LYN: variants seen among roughly 807,000 people sequenced by gnomAD.
The protein encoded by LYN is LYN proto-oncogene, Src family tyrosine kinase.
A neutral mutation model predicts 65.0 loss-of-function variants in LYN; 12 were observed. The observed-to-expected ratio is 0.18, with a 90% CI of 0.12 to 0.30. The LOEUF (loss-of-function observed/expected upper bound fraction) is 0.30. Ranked by LOEUF, LYN falls within the 10% of genes least tolerant of loss-of-function variation. LYN has a pLI of 1.00. For missense variants in LYN, 380 were observed against 623.2 expected, an observed-to-expected ratio of 0.61 and a Z score of 4.16; for synonymous variants, 222 against 221.2, an observed-to-expected ratio of 1.00 and a Z score of -0.03.
At chr8:56,009,833 C>T in intron 12 of LYN, 75 bp from the exon 13 acceptor site, 1 of 1,177,538 alleles carries the variant, frequency 8.5e-7, no homozygotes, top group South Asian at 1.3e-5. Flanking sequence ...GCAAAAAGAC[C>T]ACTGCAGTGC....
At position 55,908,534 on chromosome 8, in the gene LYN, C is replaced by T. The variant is rs138517169; in HGVS notation, c.-6+28431C>T. On this transcript the variant is annotated intron_variant, in intron 1 of 12. Coordinates refer to ENST00000519728, the MANE Select transcript of LYN (RefSeq NM_002350.4). ...TGTTGGGATTCCAGGCCTGAGCCAC[C>T]GTGCCAAGGCTGTTTAAACCTTTTA... 2.6e-3 allele frequency among the ~76,000 whole-genome samples: 401 copies of T among 152,208 alleles called. 1 individual carries two copies. Among genetic ancestry groups the T allele is most frequent in the African/African-American group, 9.2e-3 (380 of 41,510 alleles).
intron 2 of LYN, among the ~76,000 whole-genome samples, chr8:55,945,873 C>T (rs960353887): frequency 6.6e-6 from 1 of 152,218 alleles, no homozygotes; most frequent in African/African-American, 2.4e-5. Flanking sequence ...ATTGGGGAAG[C>T]CTCAGATGGG....
intron 1 of LYN, among the ~76,000 whole-genome samples, chr8:55,926,864 A>C (rs1806123072): frequency 6.6e-6 from 1 of 152,152 alleles, no homozygotes; most frequent in African/African-American, 2.4e-5. Context: ...GCAGTTTTAC[A>C]TTTGTCTGTT....
intron 10 of LYN, among the ~76,000 whole-genome samples, chr8:55,982,997 T>C (rs186403590): frequency 6.6e-6 from 1 of 151,632 alleles, no homozygotes; most frequent in Non-Finnish European, 1.5e-5. Flanking sequence ...TCATTGCCCC[T>C]CCCCCATGTC....
At position 56,013,884 on chromosome 8, in the gene LYN, T is replaced by C. The variant is rs1435618707; in HGVS notation, c.*3774T>C. 4 of 152,228 alleles carry C rather than the reference T, an allele frequency of 2.6e-5. No homozygotes were observed. Among genetic ancestry groups the C allele is most frequent in the African/African-American group, 7.2e-5 (3 of 41,448 alleles). 9.4% of individuals were successfully genotyped at this position (152,228 alleles called of 1,614,324 possible). ...ATCGTAGTTCTCTATTCCCTACATT[T>C]TAACTCCACGAATATTTTAGATTAA... On this transcript the variant is annotated 3_prime_UTR_variant, in exon 13 of 13. Transcript: ENST00000519728.
At chr8:56,000,894 C>T (rs1303939243) in intron 12 of LYN, among the ~76,000 whole-genome samples, 1 of 152,122 alleles carries the variant, frequency 6.6e-6, no homozygotes, top group Admixed American at 6.5e-5. Context: ...ATGCTAGGCA[C>T]TCTCAGCTGC....
intron 8 of LYN, among the ~76,000 whole-genome samples, chr8:55,962,200 A>G (rs548754177): frequency 1.3e-5 from 2 of 150,338 alleles, no homozygotes; most frequent in East Asian, 3.9e-4. Context: ...ATTCATCTTC[A>G]TTCCATATGG....
intron 1 of LYN, among the ~76,000 whole-genome samples, chr8:55,916,195 A>T: frequency 6.6e-6 from 1 of 152,222 alleles, no homozygotes; most frequent in East Asian, 1.9e-4. Flanking sequence ...TGGCTAAAAA[A>T]AATGGTGGTA....
At chr8:55,883,917 G>GA (rs1382684453) in intron 1 of LYN, among the ~76,000 whole-genome samples, 1 of 151,980 alleles carries the variant, frequency 6.6e-6, no homozygotes, top group African/African-American at 2.4e-5. Context: ...CTGGTTTCCT[G>GA]ATACTTAAAT....
intron 10 of LYN, among the ~76,000 whole-genome samples, chr8:55,983,320 A>G (rs924464220): frequency 4.6e-5 from 7 of 152,234 alleles, no homozygotes; most frequent in South Asian, 2.1e-4. Flanking sequence ...GAGCCCTGAC[A>G]TGCATCAGGT....
intron 10 of LYN, among the ~76,000 whole-genome samples, chr8:55,980,726 G>T (rs1807894250): frequency 1.3e-5 from 2 of 152,204 alleles, no homozygotes; most frequent in South Asian, 4.1e-4. Flanking sequence ...CACAAAGTAG[G>T]CAGGGACAAT....
chr8:55,928,937 G>A (rs1300877650), intron 1 of LYN, among the ~76,000 whole-genome samples: 1 of 151,804 alleles, frequency 6.6e-6, no homozygotes, highest in Non-Finnish European at 1.5e-5. Flanking sequence ...ATTCATTTTG[G>A]GTTGATTTTT....
chr8:55,924,896 C>T (rs1332509501), intron 1 of LYN, among the ~76,000 whole-genome samples: 2 of 151,710 alleles, frequency 1.3e-5, no homozygotes, highest in African/African-American at 2.4e-5. Context: ...GGCTGCAGTG[C>T]GGTGGTGCGA....
chr8:55,973,124 C>T (rs1186657952), intron 10 of LYN, among the ~76,000 whole-genome samples: 1 of 152,112 alleles, frequency 6.6e-6, no homozygotes, highest in Admixed American at 6.5e-5. Flanking sequence ...TGTATCTGGC[C>T]TCTTCTTCCC....
At chr8:55,913,672 G>A (rs16922396) in intron 1 of LYN, among the ~76,000 whole-genome samples, 5,751 of 152,338 alleles carry the variant, frequency 0.038, 114 homozygotes, top group African/African-American at 0.055. Context: ...GAGTAGAATA[G>A]GACGTGAGAC....
rs1412701077 is a variant in LYN, at chr8:56,011,389, C to T, written c.*1279C>T. ...ACACCTCGTCCAATAACATCTCAAG[C>T]TTTTTATTTGCATTTACATTTTCAG... On this transcript the variant is annotated 3_prime_UTR_variant, in exon 13 of 13. Coordinates refer to ENST00000519728, the MANE Select transcript of LYN (RefSeq NM_002350.4). 1.4e-5 allele frequency: 3 copies of T among 213,276 alleles called. No homozygotes were observed. Among genetic ancestry groups the T allele is most frequent in the African/African-American group, 6.8e-5 (3 of 44,220 alleles). The allele number at this position is 213,276 out of a possible 1,614,324, so 13.2% of individuals were successfully genotyped here.
At chr8:55,998,600 C>T (rs1808438327) in intron 11 of LYN, 101 bp downstream of exon 11, 7 of 1,086,498 alleles carry the variant, frequency 6.4e-6, no homozygotes, top group Non-Finnish European at 6.8e-6. Flanking sequence ...TTAAGAAAAA[C>T]TTATTTGGTA....
rs566984518 is a variant in LYN, at chr8:55,881,450, C to T, written c.-6+1347C>T. On this transcript the variant is annotated intron_variant, in intron 1 of 12. Coordinates refer to ENST00000519728, the MANE Select transcript of LYN (RefSeq NM_002350.4). ...AACCCAGGCCTTACTAAGCCCTTCT[C>T]TGTAAGAGTAAGCTTTGTTGGGAAA... Among the ~76,000 whole-genome samples, 3 of 152,222 alleles carry T rather than the reference C, an allele frequency of 2.0e-5. No individual in the cohort carries two copies. In the South Asian group the frequency reaches 6.2e-4, roughly 32 times the overall value.
Position 55,999,315 on chromosome 8 carries a change from C to T in LYN, c.1205-103C>T, listed in dbSNP as rs376619976. 92 of 1,014,014 alleles carry T rather than the reference C, an allele frequency of 9.1e-5. No individual in the cohort carries two copies. The East Asian group carries it at 2.0e-3, about 22-fold the overall frequency. 62.8% of individuals were successfully genotyped at this position (1,014,014 alleles called of 1,614,324 possible). On this transcript the variant is annotated intron_variant, in intron 11 of 12. Coordinates refer to ENST00000519728, the MANE Select transcript of LYN (RefSeq NM_002350.4). ...AGCCTGGGTGACAAGAGTGAAACTC[C>T]GCCTCAAAAAAAGAAAAGAAAAGAA...
Sources: gnomAD v4.1 joint callset for allele counts (sites outside exome capture counted in the v4.1 genomes callset) on GRCh38, gnomAD v4.1.1 for gene constraint, MANE v1.5 for transcripts, NCBI Gene and HGNC (gene_info 2026-07-23, HGNC 2026-07-21) for gene names.